Variants in CAST observed in about 807,000 individuals in gnomAD.
CAST encodes MIR583 host.
A neutral mutation model predicts 119.6 loss-of-function variants in CAST; 76 were observed. That is an observed-to-expected ratio of 0.64 (90% CI 0.53 to 0.77). CAST has a LOEUF of 0.77. CAST is among the 30% of genes least tolerant of loss of function. The probability of loss-of-function intolerance (pLI) is 0.00; values close to 1 mark genes in which losing one functional copy is unlikely to be tolerated. For synonymous variants in CAST, 319 were observed against 331.6 expected (o/e 0.96, Z 0.41); for missense variants, 953 against 946.5 (o/e 1.01, Z -0.09).
At chr5:96,189,137 T>C in the CAST span, among the ~76,000 whole-genome samples, 2 of 152,200 alleles carry the variant, frequency 1.3e-5, no homozygotes, top group African/African-American at 2.4e-5. Flanking sequence ...CTATGAACCA[T>C]TACCCTGGGA....
intron 1 of CAST, among the ~76,000 whole-genome samples, chr5:96,591,600 G>A (rs1002746079): frequency 6.6e-6 from 1 of 152,176 alleles, no homozygotes; most frequent in African/African-American, 2.4e-5. Flanking sequence ...GTTGTTTACA[G>A]AACAAGAACA....
At chr5:96,376,556 T>C in the CAST span, among the ~76,000 whole-genome samples, 1 of 152,012 alleles carries the variant, frequency 6.6e-6, no homozygotes, top group Non-Finnish European at 1.5e-5. Flanking sequence ...TTCTCCAGCC[T>C]CAGCCTCCTG....
At chr5:96,421,610 C>A in the CAST span, among the ~76,000 whole-genome samples, 1 of 152,094 alleles carries the variant, frequency 6.6e-6, no homozygotes, top group Non-Finnish European at 1.5e-5. Flanking sequence ...CTCAAACATT[C>A]TTTCTAAAGC....
At chr5:95,991,346 A>G in the CAST span, among the ~76,000 whole-genome samples, 1 of 152,110 alleles carries the variant, frequency 6.6e-6, no homozygotes, top group Admixed American at 6.6e-5. Flanking sequence ...CTTAGCACAG[A>G]TTGTTATGAT....
At chr5:96,013,102 A>T in the CAST span, among the ~76,000 whole-genome samples, 1 of 152,194 alleles carries the variant, frequency 6.6e-6, no homozygotes, top group Non-Finnish European at 1.5e-5. Flanking sequence ...CAACTGACAC[A>T]TCAGGTACCA....
chr5:96,301,714 G>C, the CAST span, among the ~76,000 whole-genome samples: 1 of 152,176 alleles, frequency 6.6e-6, no homozygotes, highest in South Asian at 2.1e-4. Context: ...TTGACTTCCT[G>C]TCTCACATCC....
At chr5:96,300,456 A>T in the CAST span, among the ~76,000 whole-genome samples, 1 of 152,134 alleles carries the variant, frequency 6.6e-6, no homozygotes, top group Non-Finnish European at 1.5e-5. Context: ...CCATTGGTTG[A>T]TGGAACTATT....
Position 96,651,708 on chromosome 5 carries a change from G to A in CAST, c.61-23831G>A, listed in dbSNP as rs777276215. Among the ~76,000 whole-genome samples, 26 of 152,272 alleles carry A rather than the reference G, an allele frequency of 1.7e-4. No homozygotes were observed. In the East Asian group the frequency reaches 3.3e-3, roughly 19 times the overall value. On this transcript the variant is annotated intron_variant, in intron 1 of 11. Transcript: ENST00000505143. ...CATTAGACCTTGCTCACTTCTGTCCGTATCTCCCCAGCAGACTCTCAGGCT... is the reference window on the plus strand; with the variant it reads ...CATTAGACCTTGCTCACTTCTGTCCATATCTCCCCAGCAGACTCTCAGGCT...
At chr5:96,724,594 G>A (rs1317242286) in intron 4 of CAST, among the ~76,000 whole-genome samples, 2 of 152,194 alleles carry the variant, frequency 1.3e-5, no homozygotes, top group African/African-American at 2.4e-5. Context: ...ATTTTGAGAG[G>A]TCAAGGTGGG....
intron 1 of CAST, among the ~76,000 whole-genome samples, chr5:96,646,949 C>T (rs1176996979): frequency 6.6e-6 from 1 of 152,198 alleles, no homozygotes; most frequent in Non-Finnish European, 1.5e-5. Context: ...TGCCCAACCT[C>T]TCTGTTGCGG....
chr5:96,633,920 G>C (rs984485844), intron 1 of CAST, among the ~76,000 whole-genome samples: 2 of 152,204 alleles, frequency 1.3e-5, no homozygotes, highest in African/African-American at 4.8e-5. Context: ...CTCACAGCCA[G>C]TGTATATCTC....
chr5:96,338,871 C>A, the CAST span, among the ~76,000 whole-genome samples: 3 of 152,142 alleles, frequency 2.0e-5, no homozygotes, highest in Non-Finnish European at 4.4e-5. Flanking sequence ...ATGTTTCTGT[C>A]TTCCTCTGTG....
At chr5:96,708,432 CT>C (rs1288920504) in intron 3 of CAST, among the ~76,000 whole-genome samples, 1 of 151,540 alleles carries the variant, frequency 6.6e-6, no homozygotes, top group Non-Finnish European at 1.5e-5. Flanking sequence ...TTTATTTTTT[CT>C]TTTGTGTCTT....
intron 1 of CAST, among the ~76,000 whole-genome samples, chr5:96,616,222 G>A (rs1747453442): frequency 6.6e-6 from 1 of 152,184 alleles, no homozygotes; most frequent in Admixed American, 6.5e-5. Context: ...TTGACACTCA[G>A]TATTAACCAT....
the CAST span, among the ~76,000 whole-genome samples, chr5:96,497,811 T>C: frequency 6.6e-6 from 1 of 152,256 alleles, no homozygotes; most frequent in African/African-American, 2.4e-5. Context: ...TTCTGCAGGT[T>C]GCCTGTTCAC....
chr5:96,638,953 A>G (rs1199353783), intron 1 of CAST, among the ~76,000 whole-genome samples: 2 of 152,210 alleles, frequency 1.3e-5, no homozygotes, highest in Non-Finnish European at 2.9e-5. Flanking sequence ...AGCCTGCCTC[A>G]GAGGACTTCA....
chr5:95,984,602 T>C, the CAST span, among the ~76,000 whole-genome samples: 1 of 152,222 alleles, frequency 6.6e-6, no homozygotes, highest in Non-Finnish European at 1.5e-5. Flanking sequence ...TTGTTGCTGA[T>C]AATTAGACAT....
the CAST span, among the ~76,000 whole-genome samples, chr5:96,035,033 GTATTTAAGTATATATATATATATATATA>G: frequency 8.3e-5 from 10 of 120,708 alleles, no homozygotes; most frequent in Admixed American, 4.4e-4. Flanking sequence ...CATTTAAGTT[GTATTTAAGTATATATATATATATATATA>G]TATTTAAGTA....
At chr5:96,035,141 CTTA>C in the CAST span, among the ~76,000 whole-genome samples, 1 of 129,132 alleles carries the variant, frequency 7.7e-6, no homozygotes, top group Admixed American at 7.9e-5. Context: ...ATTATATATA[CTTA>C]TTTTATATAT....
Sources: allele counts gnomAD v4.1 joint callset (sites outside exome capture counted in the v4.1 genomes callset), GRCh38; gene constraint gnomAD v4.1.1; transcripts MANE v1.5; gene names NCBI Gene and HGNC (gene_info 2026-07-23, HGNC 2026-07-21).